The following IL4I1 variants were observed in gnomAD, a reference collection of about 807,000 sequenced individuals.
The protein encoded by IL4I1 is interleukin 4 induced 1, also known as L-amino-acid oxidase.
In IL4I1, 24 loss-of-function variants were observed where a neutral mutation model predicts 29.7. The observed-to-expected ratio is 0.81, with a 90% CI of 0.59 to 1.14. The LOEUF (loss-of-function observed/expected upper bound fraction) is 1.14, where lower values mean the gene tolerates loss of function less well. Ranked by LOEUF, IL4I1 falls within the 50% of genes most tolerant of loss-of-function variation. The probability of loss-of-function intolerance (pLI) is 0.00; values close to 1 mark genes in which losing one functional copy is unlikely to be tolerated. For missense variants in IL4I1, 686 were observed against 785.6 expected (o/e 0.87, Z 1.52); for synonymous variants, 371 against 352.5 (o/e 1.05, Z -0.59).
rs918512216 is a variant in IL4I1 at position 49,921,540 on chromosome 19, G to A, written c.-228+6154C>T. The stretch of plus-strand genomic sequence containing the variant: ...GCCTGCAGGGAAGAGAGGGGCGTCC[G>A]CTGCTCGCCAACCCCCATACGTTCC... On this transcript the variant is annotated intron_variant, in intron 2 of 9. Transcript: ENST00000341114. The surrounding 1 kb of genome is among the most constrained non-coding windows in gnomAD (Gnocchi z 5.4). Among the ~76,000 whole-genome samples, 3 of 152,180 alleles carry A rather than the reference G, an allele frequency of 2.0e-5. No homozygotes were observed. Among genetic ancestry groups the A allele is most frequent in the African/African-American group, 4.8e-5 (2 of 41,448 alleles).
At position 49,895,928 on chromosome 19, in the gene IL4I1, T is replaced by C. The variant is rs548900382; in HGVS notation, c.139A>G (p.Lys47Glu). 3 of 1,614,208 alleles carry C rather than the reference T, an allele frequency of 1.9e-6. No individual in the cohort carries two copies. The highest frequency in any genetic ancestry group is 2.7e-5 in the African/African-American group (2 of 75,060). ...CGATTGAGCCCCCAGGTCACCACCT[T>C]GAGCAGCTGCTCATAGTCAGGATCC... is the stretch of plus-strand genomic sequence containing the variant. ...MQDPDYEQLL[K>E]VVTWGLNRTL... Residue 47 changes from lysine to glutamate, a missense_variant, in exon 3 of 8, where the codon AAG becomes GAG. Lys to Glu is a moderately conservative substitution (Grantham distance 56, BLOSUM62 1). Coordinates refer to ENST00000391826, the MANE Select transcript of IL4I1 (RefSeq NM_152899.2).
chr19:49,903,842 T>G (rs942195977), intron 3 of IL4I1, among the ~76,000 whole-genome samples: 12 of 141,938 alleles, frequency 8.5e-5, no homozygotes, highest in Non-Finnish European at 1.4e-4. Flanking sequence ...TTTTTTTTTT[T>G]TTTTTTTTTT....
chr19:49,913,362 A>G (rs950619841), intron 2 of IL4I1, among the ~76,000 whole-genome samples: 1 of 152,134 alleles, frequency 6.6e-6, no homozygotes, highest in Non-Finnish European at 1.5e-5. Flanking sequence ...GCCAGATAAG[A>G]GCGCCTTTGT....
chr19:49,929,454 G>C (rs893602781), exon 1 of IL4I1: 1 of 152,678 alleles, frequency 6.5e-6, no homozygotes, highest in African/African-American at 2.4e-5. Context: ...TTCGCAGCTC[G>C]TGGCCCTCTT....
Position 49,924,244 on chromosome 19 carries a change from T to C in IL4I1, c.-228+3450A>G, listed in dbSNP as rs1490936899. 2.0e-5 allele frequency among the ~76,000 whole-genome samples: 3 copies of C among 152,254 alleles called. No homozygotes were observed. The South Asian group carries it at 6.2e-4, about 32-fold the overall frequency. ...ACAACCCCCCTTACCTCTCGGGACC[T>C]CAGTCTTGACTCCTGCTAACAAGCC... On this transcript the variant is annotated intron_variant, in intron 2 of 9. Coordinates refer to the IL4I1 transcript ENST00000341114.
intron 2 of IL4I1, among the ~76,000 whole-genome samples, chr19:49,920,631 C>A (rs1022659855): frequency 1.3e-5 from 2 of 152,186 alleles, no homozygotes; most frequent in East Asian, 1.9e-4. Flanking sequence ...GACTTTACCC[C>A]GAGGGCAACG....
At chr19:49,908,350 C>T in intron 2 of IL4I1, 1 of 1,614,196 alleles carries the variant, frequency 6.2e-7, no homozygotes, top group Non-Finnish European at 8.5e-7. Flanking sequence ...GGTCGATCCA[C>T]TGCAGTGAGT....
At chr19:49,914,355 G>A (rs890333471) in intron 2 of IL4I1, among the ~76,000 whole-genome samples, 2 of 152,190 alleles carry the variant, frequency 1.3e-5, no homozygotes, top group African/African-American at 2.4e-5. Flanking sequence ...GGGAAAGGAG[G>A]AGGGTATGCC....
At chr19:49,897,954 G>C (rs576589288), upstream of IL4I1, among the ~76,000 whole-genome samples, 3 of 152,354 alleles carry the variant, frequency 2.0e-5, no homozygotes, top group African/African-American at 7.2e-5. Context: ...TGTGACGCAG[G>C]GGCGGGAGGC....
At chr19:49,908,982 T>TGGCAGC (rs767752715) in intron 2 of IL4I1, 6 of 1,608,324 alleles carry the variant, frequency 3.7e-6, no homozygotes, top group East Asian at 2.2e-5. Flanking sequence ...GCGGTGGCGG[T>TGGCAGC]GGCAGCGGTG....
intron 7 of IL4I1, 42 bp downstream of exon 7, chr19:49,890,929 G>GCC: frequency 8.8e-6 from 4 of 454,446 alleles, no homozygotes; most frequent in South Asian, 6.9e-5. Flanking sequence ...TTCCCTGATT[G>GCC]CCCCCCGCCC....
At chr19:49,890,712 C>G (rs1243112578) in intron 7 of IL4I1, 112 bp from the exon 8 acceptor site, 1 of 1,023,770 alleles carries the variant, frequency 9.8e-7, no homozygotes, top group Non-Finnish European at 1.4e-6. Flanking sequence ...GGCCCGCTCC[C>G]CCGTCATCCA....
chr19:49,895,731 A>G, intron 3 of IL4I1, 84 bp downstream of exon 3: 3 of 640,232 alleles, frequency 4.7e-6, no homozygotes, highest in South Asian at 1.5e-5. Context: ...CCCCTCAAGG[A>G]GGAACGCGGC....
At chr19:49,913,268 G>C (rs1391252829) in intron 2 of IL4I1, 1 of 152,306 alleles carries the variant, frequency 6.6e-6, no homozygotes, top group Non-Finnish European at 1.5e-5. Context: ...TGGCAAGCCT[G>C]GGCTGTTCAA....
chr19:49,892,479 T>G (rs1392620530), intron 5 of IL4I1, among the ~76,000 whole-genome samples: 3 of 152,170 alleles, frequency 2.0e-5, no homozygotes, highest in Non-Finnish European at 2.9e-5. Context: ...GTCCATGTCT[T>G]TTATGGCAGC....
In IL4I1 at chr19:49,891,003, G is replaced by T. The variant is rs1305353797; in HGVS notation, c.741C>A (p.Leu247=). The T allele has an allele frequency of 6.2e-7, 1 of 1,604,998 alleles. No homozygotes were observed. Among genetic ancestry groups the T allele is most frequent in the Non-Finnish European group, 8.5e-7 (1 of 1,176,744 alleles). Residue 247 remains leucine (L), a synonymous_variant, in exon 7 of 8, where the codon CTC becomes CTA. Coordinates refer to ENST00000391826, the MANE Select transcript of IL4I1 (RefSeq NM_152899.2). ...TGTCGCTGAGGCAGCTGTGGGCCCG[G>T]AGGGCCTCGGCGAAGCTGAGATAGA... ...GFFYLSFAEA[L]RAHSCLSDRL... is the part of the protein sequence containing the mutation.
intron 2 of IL4I1, among the ~76,000 whole-genome samples, chr19:49,914,624 ACCC>A (rs1217707495): frequency 7.1e-6 from 1 of 140,320 alleles, no homozygotes; most frequent in Non-Finnish European, 1.5e-5. Context: ...GGCATATCCC[ACCC>A]CCATCTGTGA....
chr19:49,899,695 T>TACAGGCACCTGCCACC (rs2075254304), upstream of IL4I1, among the ~76,000 whole-genome samples: 1 of 152,080 alleles, frequency 6.6e-6, no homozygotes, highest in Non-Finnish European at 1.5e-5. Context: ...TAGCTGGGAC[T>TACAGGCACCTGCCACC]ACAGGCACCT....
intron 2 of IL4I1, among the ~76,000 whole-genome samples, chr19:49,922,211 C>A (rs1238225490): frequency 1.3e-5 from 2 of 152,234 alleles, no homozygotes; most frequent in Non-Finnish European, 1.5e-5. Flanking sequence ...CAGCCCAACT[C>A]CTCAAGTTAG....
Sources: gnomAD v4.1 joint callset for allele counts (sites outside exome capture counted in the v4.1 genomes callset) on GRCh38, gnomAD v4.1.1 for gene constraint, Gnocchi (gnomAD v3.1) non-coding constraint, MANE v1.5 for transcripts, NCBI Gene and HGNC (gene_info 2026-07-23, HGNC 2026-07-21) for gene names.